RFX3: variants seen among roughly 807,000 people sequenced by gnomAD.
RFX3 encodes the protein transcription factor RFX3.
RFX3 carries 14 observed loss-of-function variants against 98.6 expected under a neutral mutation model. The observed-to-expected ratio is 0.14, with a 90% confidence interval of 0.09 to 0.22. The LOEUF is 0.22. RFX3 is among the 10% of genes least tolerant of loss of function. The pLI, the probability that RFX3 is intolerant of heterozygous loss-of-function variation, is 1.00. For synonymous variants in RFX3, 383 were observed against 328.4 expected (o/e 1.17, Z -1.80); for missense variants, 639 against 926.9 (o/e 0.69, Z 4.03).
chr9:3,485,899 C>G (rs1159480876), intron 1 of RFX3, among the ~76,000 whole-genome samples: 1 of 151,826 alleles, frequency 6.6e-6, no homozygotes, highest in South Asian at 2.1e-4. Flanking sequence ...CCGAGGTGGG[C>G]GGATCACCTG....
intron 4 of RFX3, among the ~76,000 whole-genome samples, chr9:3,318,075 A>T (rs551404215): frequency 6.6e-6 from 1 of 152,346 alleles, no homozygotes; most frequent in East Asian, 1.9e-4. Context: ...ATGCACACGT[A>T]TGTTTACTGC....
intron 15 of RFX3, among the ~76,000 whole-genome samples, chr9:3,233,390 G>A (rs1278755550): frequency 6.6e-6 from 1 of 152,196 alleles, no homozygotes; most frequent in Admixed American, 6.5e-5. Context: ...GCCCACAGGT[G>A]CATTAAAGAG....
At chr9:3,426,072 T>A (rs1175121116) in intron 1 of RFX3, among the ~76,000 whole-genome samples, 2 of 152,196 alleles carry the variant, frequency 1.3e-5, no homozygotes, top group East Asian at 3.8e-4. Flanking sequence ...TACTATACGA[T>A]TGGATTTACT....
chr9:3,365,295 CAA>C (rs1177381806), intron 2 of RFX3, among the ~76,000 whole-genome samples: 5,768 of 62,366 alleles, frequency 0.092, 267 homozygotes, highest in African/African-American at 0.22. Context: ...AGACTCATCT[CAA>C]AAAAAAAAAA....
chr9:3,241,680 C>T (rs1272313005), intron 15 of RFX3, among the ~76,000 whole-genome samples: 2 of 152,154 alleles, frequency 1.3e-5, no homozygotes, highest in African/African-American at 4.8e-5. Context: ...AGCAGATTTA[C>T]AACTAAAACC....
intron 1 of RFX3, among the ~76,000 whole-genome samples, chr9:3,456,444 C>T (rs562706776): frequency 2.0e-5 from 3 of 152,262 alleles, no homozygotes; most frequent in African/African-American, 7.2e-5. Flanking sequence ...TCCTAATTCC[C>T]TCATCCAAAC....
At chr9:3,439,980 A>C (rs1053269780) in intron 1 of RFX3, among the ~76,000 whole-genome samples, 1 of 152,092 alleles carries the variant, frequency 6.6e-6, no homozygotes, top group Non-Finnish European at 1.5e-5. Flanking sequence ...AATGTAATCT[A>C]CCATACTAAG....
chr9:3,473,405 G>T (rs1848953071), intron 1 of RFX3, among the ~76,000 whole-genome samples: 1 of 152,168 alleles, frequency 6.6e-6, no homozygotes, highest in Non-Finnish European at 1.5e-5. Flanking sequence ...TAACTCTGGG[G>T]TCTAGCCAAG....
At chr9:3,406,911 A>T (rs1485292578) in intron 1 of RFX3, among the ~76,000 whole-genome samples, 2 of 152,212 alleles carry the variant, frequency 1.3e-5, no homozygotes, top group Non-Finnish European at 2.9e-5. Flanking sequence ...AGGATTAAGT[A>T]AACTCAAATG....
chr9:3,245,631 G>A (rs953097853), intron 15 of RFX3, among the ~76,000 whole-genome samples: 2 of 152,200 alleles, frequency 1.3e-5, no homozygotes, highest in African/African-American at 4.8e-5. Context: ...ATAATCAACT[G>A]GGAGGATCGT....
At position 3,506,520 on chromosome 9, in the gene RFX3, C is replaced by T. The variant is rs538143076; in HGVS notation, c.-9+19227G>A. Among the ~76,000 whole-genome samples the T allele has an allele frequency of 2.0e-5, 3 of 151,876 alleles. No homozygotes were observed. In the South Asian group the frequency reaches 6.2e-4, roughly 32 times the overall value. ...TTCCCATAATGCCCCGCATGTCTCT[C>T]CTATATTAAGGAATTCTTGCACCCT... On this transcript the variant is annotated intron_variant, in intron 1 of 16. Coordinates refer to ENST00000617270, the MANE Select transcript of RFX3 (RefSeq NM_001282116.2).
At chr9:3,505,870 C>A (rs961982158) in intron 1 of RFX3, among the ~76,000 whole-genome samples, 3 of 151,556 alleles carry the variant, frequency 2.0e-5, no homozygotes, top group Admixed American at 1.3e-4. Context: ...CTCTCCCTCA[C>A]CCCCAATTGT....
Position 3,350,908 on chromosome 9 carries a change from T to C in RFX3, c.118-4144A>G, listed in dbSNP as rs188636808. Among the ~76,000 whole-genome samples the C allele has an allele frequency of 2.6e-5, 4 of 151,696 alleles. No individual in the cohort carries two copies. The East Asian group carries it at 7.8e-4, about 30-fold the overall frequency. The stretch of plus-strand genomic sequence containing the variant: ...GGAAAAGGTCAAATGACCGAGACAG[T>C]AAAAAGATCAGTGGCTGCCAGCCAC... On this transcript the variant is annotated intron_variant, in intron 2 of 16. Transcript: ENST00000617270.
At chr9:3,448,560 T>C (rs1023686983) in intron 1 of RFX3, among the ~76,000 whole-genome samples, 2 of 152,168 alleles carry the variant, frequency 1.3e-5, no homozygotes, top group African/African-American at 4.8e-5. Flanking sequence ...TCGCCCAGGC[T>C]AGACTGCGGT....
At chr9:3,478,953 G>T (rs991447336) in intron 1 of RFX3, among the ~76,000 whole-genome samples, 1 of 152,074 alleles carries the variant, frequency 6.6e-6, no homozygotes, top group African/African-American at 2.4e-5. Flanking sequence ...CAAATATCCA[G>T]CCACTCTCTC....
intron 2 of RFX3, among the ~76,000 whole-genome samples, chr9:3,351,682 G>A (rs1426780610): frequency 6.6e-6 from 1 of 151,910 alleles, no homozygotes; most frequent in Non-Finnish European, 1.5e-5. Flanking sequence ...TAAAATTATA[G>A]ATGAACGATA....
chr9:3,514,324 T>C (rs908444862), intron 1 of RFX3, among the ~76,000 whole-genome samples: 1 of 152,208 alleles, frequency 6.6e-6, no homozygotes, highest in African/African-American at 2.4e-5. Context: ...AAAATGTAAA[T>C]TAAAATGACT....
chr9:3,259,633 C>T lies in RFX3; in HGVS notation c.1606-2434G>A, dbSNP rs373473749. Among the ~76,000 whole-genome samples the T allele has an allele frequency of 5.9e-4, 89 of 151,774 alleles. No homozygotes were observed. The Middle Eastern group carries it at 0.01, about 17-fold the overall frequency. ...TCAGCCCACCGAAAGCTATTTAGCC[C>T]ATAATGTAGATCTCAAAAACCACCA... On this transcript the variant is annotated intron_variant, in intron 13 of 16. Coordinates refer to ENST00000617270, the MANE Select transcript of RFX3 (RefSeq NM_001282116.2).
chr9:3,360,751 G>A (rs1836325756), intron 2 of RFX3, among the ~76,000 whole-genome samples: 1 of 152,030 alleles, frequency 6.6e-6, no homozygotes, highest in South Asian at 2.1e-4. Flanking sequence ...ATATACCACA[G>A]GAAAACGTGC....
Sources: gnomAD v4.1 joint callset for allele counts (sites outside exome capture counted in the v4.1 genomes callset) on GRCh38, gnomAD v4.1.1 for gene constraint, MANE v1.5 for transcripts, NCBI Gene and HGNC (gene_info 2026-07-23, HGNC 2026-07-21) for gene names.